CCSER1: variants seen among roughly 807,000 people sequenced by gnomAD.
CCSER1 encodes the protein serine-rich coiled-coil domain-containing protein 1.
CCSER1 carries 41 observed loss-of-function variants against 82.0 expected under a neutral mutation model. The ratio of observed to expected loss-of-function variants is 0.50; its 90% CI spans 0.39 to 0.65. The LOEUF is 0.65. Ranked by LOEUF, CCSER1 falls within the 30% of genes least tolerant of loss-of-function variation. The pLI is 0.00. For missense variants in CCSER1, 1,119 were observed against 1,064.2 expected (o/e 1.05, Z -0.72); for synonymous variants, 414 against 383.9 (o/e 1.08, Z -0.92).
intron 10 of CCSER1, among the ~76,000 whole-genome samples, chr4:91,473,788 A>G (rs1035462877): frequency 2.0e-5 from 3 of 151,766 alleles, no homozygotes; most frequent in Non-Finnish European, 4.4e-5. Context: ...CTGTTATCTC[A>G]TTTGCCTGGT....
chr4:90,760,514 T>G (rs1288440051), intron 7 of CCSER1, among the ~76,000 whole-genome samples: 1 of 152,008 alleles, frequency 6.6e-6, no homozygotes, highest in Non-Finnish European at 1.5e-5. Flanking sequence ...ATAATACTAT[T>G]TATAATTTAT....
intron 10 of CCSER1, among the ~76,000 whole-genome samples, chr4:91,489,951 C>A (rs1758426358): frequency 6.6e-6 from 1 of 151,970 alleles, no homozygotes; most frequent in Non-Finnish European, 1.5e-5. Flanking sequence ...ATAGATATTT[C>A]TCAAAAAAGA....
intron 3 of CCSER1, among the ~76,000 whole-genome samples, chr4:90,328,545 G>A (rs1355872420): frequency 6.6e-6 from 1 of 152,108 alleles, no homozygotes; most frequent in Non-Finnish European, 1.5e-5. Context: ...TACTCTCACT[G>A]CTATCACTGA....
At chr4:90,870,964 T>C (rs1002221144) in intron 8 of CCSER1, among the ~76,000 whole-genome samples, 1 of 151,146 alleles carries the variant, frequency 6.6e-6, no homozygotes, top group Non-Finnish European at 1.5e-5. Flanking sequence ...TATTTTTTCC[T>C]TTTTTAATGT....
intron 7 of CCSER1, among the ~76,000 whole-genome samples, chr4:90,756,950 A>G (rs1172725308): frequency 6.6e-6 from 1 of 152,216 alleles, no homozygotes; most frequent in African/African-American, 2.4e-5. Context: ...ATATGAATAT[A>G]TTAAACTAAA....
intron 9 of CCSER1, among the ~76,000 whole-genome samples, chr4:90,945,567 A>G (rs1319298593): frequency 6.6e-6 from 1 of 152,192 alleles, no homozygotes. Flanking sequence ...ACATAAGAAA[A>G]CCCGAATACA....
chr4:90,682,942 A>C (rs998347085), intron 6 of CCSER1: 1 of 152,134 alleles, frequency 6.6e-6, no homozygotes, highest in African/African-American at 2.4e-5. Context: ...ATGAAATGGC[A>C]ATAAATGACT....
Position 91,310,137 on chromosome 4 carries a change from G to A in CCSER1, c.2217+224143G>A, listed in dbSNP as rs371211017. Among the ~76,000 whole-genome samples the A allele has an allele frequency of 1.3e-4, 20 of 152,016 alleles. No homozygotes were observed. In the South Asian group the frequency reaches 2.9e-3, roughly 22 times the overall value. On this transcript the variant is annotated intron_variant, in intron 10 of 10. Transcript: ENST00000509176. ...GAGCCCACCTGCTAAAGCTTAGAGT[G>A]GAAGCTTAGCTAGTTTTAGACACTC...
chr4:91,551,399 A>G (rs1167718646), intron 10 of CCSER1, among the ~76,000 whole-genome samples: 1 of 152,106 alleles, frequency 6.6e-6, no homozygotes, highest in Non-Finnish European at 1.5e-5. Flanking sequence ...AATAATGAGC[A>G]TATTAAACCC....
intron 10 of CCSER1, among the ~76,000 whole-genome samples, chr4:91,133,308 G>A (rs192965743): frequency 6.6e-6 from 1 of 152,110 alleles, no homozygotes; most frequent in Non-Finnish European, 1.5e-5. Context: ...TGGCGAGGCA[G>A]GAACAGAAGA....
At chr4:90,462,556 A>G (rs1371412351) in intron 4 of CCSER1, among the ~76,000 whole-genome samples, 1 of 151,738 alleles carries the variant, frequency 6.6e-6, no homozygotes, top group African/African-American at 2.4e-5. Context: ...AGCCTAGCCA[A>G]GTTGACATAT....
chr4:90,548,534 A>G (rs1777065936), intron 5 of CCSER1, among the ~76,000 whole-genome samples: 1 of 152,022 alleles, frequency 6.6e-6, no homozygotes, highest in African/African-American at 2.4e-5. Flanking sequence ...CAGATACACC[A>G]AACATCGTGA....
intron 10 of CCSER1, among the ~76,000 whole-genome samples, chr4:91,461,685 G>C (rs1756509514): frequency 6.6e-6 from 1 of 152,132 alleles, no homozygotes; most frequent in African/African-American, 2.4e-5. Context: ...CTATTGGATT[G>C]ATTTATGAAT....
chr4:90,580,755 T>A (rs1261934341), intron 5 of CCSER1, among the ~76,000 whole-genome samples: 1 of 152,222 alleles, frequency 6.6e-6, no homozygotes, highest in Non-Finnish European at 1.5e-5. Flanking sequence ...CATAAATATT[T>A]GTTACAAACT....
intron 3 of CCSER1, among the ~76,000 whole-genome samples, chr4:90,385,633 G>T (rs1218236050): frequency 2.6e-5 from 4 of 151,378 alleles, no homozygotes; most frequent in Non-Finnish European, 5.9e-5. Flanking sequence ...CTAATTTTTT[G>T]TATTTTTTTG....
intron 9 of CCSER1, among the ~76,000 whole-genome samples, chr4:90,998,723 G>GTT (rs3043069): frequency 9.3e-4 from 140 of 150,324 alleles, no homozygotes; most frequent in Middle Eastern, 3.4e-3. Context: ...GCATTACACA[G>GTT]TTTTTTTTTT....
At chr4:90,518,289 C>T (rs532816296) in intron 5 of CCSER1, among the ~76,000 whole-genome samples, 2 of 152,196 alleles carry the variant, frequency 1.3e-5, no homozygotes, top group South Asian at 4.1e-4. Context: ...TTACTTCCAA[C>T]AGCTTGTTCC....
chr4:90,247,614 T>C (rs1264041207), intron 1 of CCSER1, among the ~76,000 whole-genome samples: 4 of 152,114 alleles, frequency 2.6e-5, no homozygotes, highest in Admixed American at 1.3e-4. Flanking sequence ...TACTGCTACT[T>C]TGAATTTGGA....
chr4:90,327,036 G>A (rs1195418639), intron 3 of CCSER1, among the ~76,000 whole-genome samples: 1 of 152,152 alleles, frequency 6.6e-6, no homozygotes, highest in African/African-American at 2.4e-5. Flanking sequence ...AACTGCCCTA[G>A]TGAAAACCCT....
Sources: allele counts gnomAD v4.1 joint callset (sites outside exome capture counted in the v4.1 genomes callset), GRCh38; gene constraint gnomAD v4.1.1; transcripts MANE v1.5; gene names NCBI Gene and HGNC (gene_info 2026-07-23, HGNC 2026-07-21).